The following CEP85L variants were observed in gnomAD, a reference collection of about 807,000 sequenced individuals.
CEP85L encodes centrosomal protein 85L.
In CEP85L, 60 loss-of-function variants were observed where a neutral mutation model predicts 100.3. That is an observed-to-expected ratio of 0.60 (90% CI 0.49 to 0.74). CEP85L has a LOEUF of 0.74. CEP85L is among the 30% of genes least tolerant of loss of function. CEP85L has a pLI of 0.00. For synonymous variants in CEP85L, 319 were observed against 322.7 expected, an observed-to-expected ratio of 0.99 and a Z score of 0.12; for missense variants, 973 against 936.2, an observed-to-expected ratio of 1.04 and a Z score of -0.51.
chr6:118,514,524 C>CA (rs561316113), intron 4 of CEP85L, among the ~76,000 whole-genome samples: 45,438 of 86,862 alleles, frequency 0.52, 9,721 homozygotes, highest in Middle Eastern at 0.61. Context: ...GACACTGTCT[C>CA]AAAAAAAAAA....
At chr6:118,527,877 G>A (rs1347343275) in intron 3 of CEP85L, among the ~76,000 whole-genome samples, 1 of 151,910 alleles carries the variant, frequency 6.6e-6, no homozygotes, top group Non-Finnish European at 1.5e-5. Context: ...TTAAGTATTG[G>A]TTTTTGTATA....
At chr6:118,605,394 A>C (rs1306266094) in intron 2 of CEP85L, among the ~76,000 whole-genome samples, 1 of 152,186 alleles carries the variant, frequency 6.6e-6, no homozygotes, top group Non-Finnish European at 1.5e-5. Context: ...TCTCCGATCC[A>C]AGTGTGCAAA....
intron 3 of CEP85L, among the ~76,000 whole-genome samples, chr6:118,542,554 T>C (rs1777953320): frequency 1.3e-5 from 2 of 151,418 alleles, no homozygotes; most frequent in Admixed American, 6.6e-5. Flanking sequence ...CGATCTGCCT[T>C]CCATTTATTT....
intron 11 of CEP85L, among the ~76,000 whole-genome samples, chr6:118,470,042 G>A (rs1306757285): frequency 6.6e-6 from 1 of 152,062 alleles, no homozygotes; most frequent in African/African-American, 2.4e-5. Context: ...ATATTGGTGG[G>A]GGGAAGCATC....
chr6:118,503,832 A>AG (rs1491351419), intron 5 of CEP85L, among the ~76,000 whole-genome samples: 3 of 602 alleles, frequency 5.0e-3, no homozygotes, highest in Non-Finnish European at 0.016. Context: ...ATAAAACTCC[A>AG]AAAAAAAAAA....
intron 3 of CEP85L, chr6:118,560,275 A>G (rs919803009): frequency 6.0e-6 from 1 of 167,074 alleles, no homozygotes; most frequent in Non-Finnish European, 1.5e-5. Context: ...CCTTACTGAT[A>G]ACATAAACAG....
At chr6:118,470,448 T>TA (rs1772865765) in intron 11 of CEP85L, 89 bp downstream of exon 11, 2 of 627,256 alleles carry the variant, frequency 3.2e-6, no homozygotes, top group Non-Finnish European at 5.3e-6. Context: ...ATCATGTCTT[T>TA]AATCTGAAAA....
At position 118,576,269 on chromosome 6, in the gene CEP85L, G is replaced by A. The variant is rs531589371; in HGVS notation, c.233-9953C>T. Among the ~76,000 whole-genome samples, 42 of 152,200 alleles carry A rather than the reference G, an allele frequency of 2.8e-4. No individual in the cohort carries two copies. In the South Asian group the frequency reaches 6.9e-3, roughly 25 times the overall value. On this transcript the variant is annotated intron_variant, in intron 2 of 12. Transcript: ENST00000368491. ...CCCTCAGGACTCAAGGCCTCCTAGC[G>A]AGATTACATCCTTGTCAAAGGTTGG...
chr6:118,611,933 T>C (rs1772655652), intron 2 of CEP85L, among the ~76,000 whole-genome samples: 1 of 152,154 alleles, frequency 6.6e-6, no homozygotes, highest in Admixed American at 6.5e-5. Flanking sequence ...CAACAACTGA[T>C]AGAAAAACTA....
Position 118,501,786 on chromosome 6 carries a change from T to C in CEP85L, c.1257+9512A>G, listed in dbSNP as rs1413182820. 5 of 1,029,948 alleles carry C rather than the reference T, an allele frequency of 4.9e-6. No homozygotes were observed. In the East Asian group the frequency reaches 1.2e-4, roughly 25 times the overall value. 63.8% of individuals were successfully genotyped at this position (1,029,948 alleles called of 1,614,324 possible). A position where few individuals can be genotyped will look rare whatever the true frequency, so the allele number is the denominator to read the frequency against. The stretch of plus-strand genomic sequence containing the variant: ...AAGACAGAACAGACATCTCACAGAG[T>C]GGGGAGGATGGAGGCTGCTGGCTGA... On this transcript the variant is annotated intron_variant, in intron 5 of 12. Transcript: ENST00000368491.
intron 3 of CEP85L, among the ~76,000 whole-genome samples, chr6:118,564,239 T>C (rs547717445): frequency 2.6e-5 from 4 of 152,270 alleles, no homozygotes; most frequent in Admixed American, 2.0e-4. Flanking sequence ...TGCCCAATTA[T>C]CTCTATCACA....
intron 3 of CEP85L, among the ~76,000 whole-genome samples, chr6:118,553,215 T>TAAAA (rs59502810): frequency 7.2e-6 from 1 of 138,942 alleles, no homozygotes; most frequent in Non-Finnish European, 1.6e-5. Flanking sequence ...GTTAAGAAAT[T>TAAAA]AAAAAAAAAA....
intron 3 of CEP85L, among the ~76,000 whole-genome samples, chr6:118,541,362 C>T (rs573322171): frequency 6.6e-6 from 1 of 152,174 alleles, no homozygotes; most frequent in South Asian, 2.1e-4. Context: ...ATAGCAAAAC[C>T]ATGTATAACT....
At chr6:118,527,916 C>T (rs911906592) in intron 3 of CEP85L, among the ~76,000 whole-genome samples, 11 of 151,956 alleles carry the variant, frequency 7.2e-5, no homozygotes, top group Non-Finnish European at 1.5e-4. Flanking sequence ...TATTAGCATG[C>T]CTAACAAAAA....
chr6:118,701,925 G>A (rs1351497544), intron 1 of CEP85L, among the ~76,000 whole-genome samples: 1 of 152,166 alleles, frequency 6.6e-6, no homozygotes, highest in African/African-American at 2.4e-5. Context: ...CTATTAGGAA[G>A]GAGGAAGAGA....
At chr6:118,528,082 C>T (rs1777077003) in intron 3 of CEP85L, among the ~76,000 whole-genome samples, 1 of 152,098 alleles carries the variant, frequency 6.6e-6, no homozygotes, top group Non-Finnish European at 1.5e-5. Flanking sequence ...TTCAGTAAGA[C>T]AAGTACCTAG....
chr6:118,648,287 T>G (rs1775331193), intron 1 of CEP85L, among the ~76,000 whole-genome samples: 1 of 152,204 alleles, frequency 6.6e-6, no homozygotes, highest in Non-Finnish European at 1.5e-5. Context: ...ATTTTATTTT[T>G]GGTTTATAAC....
chr6:118,567,716 T>C (rs374950963), intron 2 of CEP85L, among the ~76,000 whole-genome samples: 2 of 152,178 alleles, frequency 1.3e-5, no homozygotes, highest in Non-Finnish European at 2.9e-5. Flanking sequence ...TTCTCTTACA[T>C]TGTCTTATGG....
Position 118,651,501 on chromosome 6 carries a change from G to T in CEP85L, c.-232C>A. The T allele has an allele frequency of 7.9e-7, 1 of 1,270,002 alleles. No homozygotes were observed. Among genetic ancestry groups the T allele is most frequent in the Non-Finnish European group, 9.9e-7 (1 of 1,008,754 alleles). 78.7% of individuals were successfully genotyped at this position (1,270,002 alleles called of 1,614,324 possible). On this transcript the variant is annotated 5_prime_UTR_variant, in exon 1 of 13. Coordinates refer to ENST00000368491, the MANE Select transcript of CEP85L (RefSeq NM_001042475.3). The stretch of plus-strand genomic sequence containing the variant: ...GCCGGCTGGGCTGAGGCCCGCGCCG[G>T]GGAAGCGGCGACTCGGCGGTGACGG...
Sources: allele counts gnomAD v4.1 joint callset (sites outside exome capture counted in the v4.1 genomes callset), GRCh38; gene constraint gnomAD v4.1.1; transcripts MANE v1.5; gene names NCBI Gene and HGNC (gene_info 2026-07-23, HGNC 2026-07-21).